ROR1: variants seen among roughly 807,000 people sequenced by gnomAD.
ROR1 encodes inactive tyrosine-protein kinase transmembrane receptor ROR1.
A neutral mutation model predicts 78.8 loss-of-function variants in ROR1; 19 were observed. That is an observed-to-expected ratio of 0.24 (90% CI 0.17 to 0.35). The LOEUF (loss-of-function observed/expected upper bound fraction) is 0.35, where lower values mean the gene tolerates loss of function less well. ROR1 is among the 10% of genes least tolerant of loss of function. The probability of loss-of-function intolerance (pLI) is 1.00; values close to 1 mark genes in which losing one functional copy is unlikely to be tolerated. For missense variants in ROR1, 917 were observed against 1,177.8 expected (o/e 0.78, Z 3.24); for synonymous variants, 386 against 433.6 (o/e 0.89, Z 1.36).
chr1:63,847,170 G>GCCA (rs1645086642), intron 1 of ROR1, among the ~76,000 whole-genome samples: 2 of 152,146 alleles, frequency 1.3e-5, no homozygotes, highest in Non-Finnish European at 2.9e-5. Flanking sequence ...GAGGTGTTGG[G>GCCA]GCTGTATGTG....
intron 1 of ROR1, among the ~76,000 whole-genome samples, chr1:63,952,988 G>A (rs1226849808): frequency 3.3e-5 from 5 of 152,116 alleles, no homozygotes; most frequent in Admixed American, 6.5e-5. Flanking sequence ...AGGGGATGGG[G>A]ATCAATGAAA....
At chr1:64,011,356 T>C (rs893498412) in intron 2 of ROR1, among the ~76,000 whole-genome samples, 1 of 152,230 alleles carries the variant, frequency 6.6e-6, no homozygotes, top group African/African-American at 2.4e-5. Context: ...TAGTACCTGC[T>C]CTGTGCCAGG....
chr1:63,911,745 G>A (rs142798667), intron 1 of ROR1, among the ~76,000 whole-genome samples: 2,138 of 152,200 alleles, frequency 0.014, 59 homozygotes, highest in African/African-American at 0.049. Context: ...TTCCAGGGAA[G>A]AGAAGAAACA....
Position 63,893,814 on chromosome 1 carries a change from T to C in ROR1, c.92-115491T>C, listed in dbSNP as rs578236284. On this transcript the variant is annotated intron_variant, in intron 1 of 8. Transcript: ENST00000371079. ...AATATGTTCCAGGATTCTTGGTAGA[T>C]GCCTAAACTGCAGATAGTACCAAAT... 9.8e-5 allele frequency among the ~76,000 whole-genome samples: 15 copies of C among 152,298 alleles called. No homozygotes were observed. In the East Asian group the frequency reaches 2.1e-3, roughly 22 times the overall value.
chr1:63,895,244 GTTC>G (rs768317205), intron 1 of ROR1, among the ~76,000 whole-genome samples: 1 of 152,084 alleles, frequency 6.6e-6, no homozygotes, highest in African/African-American at 2.4e-5. Context: ...ATATATTCTT[GTTC>G]TTCTTTGAAC....
chr1:63,918,622 A>G (rs914005728), intron 1 of ROR1, among the ~76,000 whole-genome samples: 2 of 152,208 alleles, frequency 1.3e-5, no homozygotes, highest in Admixed American at 1.3e-4. Context: ...AAAACTTACT[A>G]TTAAACAGGG....
intron 4 of ROR1, among the ~76,000 whole-genome samples, chr1:64,120,808 G>T (rs927543966): frequency 2.6e-5 from 4 of 152,132 alleles, no homozygotes; most frequent in Non-Finnish European, 4.4e-5. Flanking sequence ...AGTCTAAGTT[G>T]GTGTAATAAA....
chr1:64,085,757 G>T (rs1006872561), intron 4 of ROR1, among the ~76,000 whole-genome samples: 2 of 152,014 alleles, frequency 1.3e-5, no homozygotes, highest in Admixed American at 1.3e-4. Flanking sequence ...GGTTCTATAA[G>T]GTGCTAAATT....
intron 1 of ROR1, among the ~76,000 whole-genome samples, chr1:63,782,957 A>G (rs1268229515): frequency 6.6e-6 from 1 of 152,096 alleles, no homozygotes; most frequent in Non-Finnish European, 1.5e-5. Context: ...CCTTGAAGGA[A>G]GGATTGAGAG....
At chr1:64,054,432 A>G (rs1646857911) in intron 4 of ROR1, among the ~76,000 whole-genome samples, 1 of 152,176 alleles carries the variant, frequency 6.6e-6, no homozygotes, top group Admixed American at 6.5e-5. Flanking sequence ...GCCAGCCAAC[A>G]TGCCTGGTTG....
chr1:63,911,668 T>C (rs1162100840), intron 1 of ROR1, among the ~76,000 whole-genome samples: 1 of 151,922 alleles, frequency 6.6e-6, no homozygotes, highest in African/African-American at 2.4e-5. Flanking sequence ...CTGTAGATAG[T>C]AGATACTGTT....
chr1:64,168,585 T>C (rs1056646436), intron 8 of ROR1, among the ~76,000 whole-genome samples: 2 of 152,166 alleles, frequency 1.3e-5, no homozygotes, highest in African/African-American at 4.8e-5. Flanking sequence ...AACTAGCTAT[T>C]AAAATATATC....
At chr1:63,797,050 T>C (rs906181431) in intron 1 of ROR1, among the ~76,000 whole-genome samples, 1 of 152,218 alleles carries the variant, frequency 6.6e-6, no homozygotes, top group African/African-American at 2.4e-5. Flanking sequence ...ACCTATTAGA[T>C]GGGAAGAGGA....
intron 1 of ROR1, among the ~76,000 whole-genome samples, chr1:63,858,684 T>C (rs1429733383): frequency 6.6e-6 from 1 of 152,170 alleles, no homozygotes; most frequent in Non-Finnish European, 1.5e-5. Flanking sequence ...TTTTCTTCAC[T>C]TCCCTGACCC....
At chr1:64,153,359 T>G (rs1250361615) in intron 7 of ROR1, among the ~76,000 whole-genome samples, 4 of 152,016 alleles carry the variant, frequency 2.6e-5, no homozygotes, top group Non-Finnish European at 5.9e-5. Context: ...CTAAAAAAAA[T>G]TAAAAATAGA....
rs1158191870 is a variant in ROR1, at chr1:63,782,554, TTTG to T, written c.91+8049_91+8051del. ...GGCTGAGATTTTGAGGTTTTTTTTT[TTTG>T]TTTTTTTTTTTGTTACAGCTGCTAA... is the stretch of plus-strand genomic sequence containing the variant. On this transcript the variant is annotated intron_variant, in intron 1 of 8. Coordinates refer to ENST00000371079, the MANE Select transcript of ROR1 (RefSeq NM_005012.4). Among the ~76,000 whole-genome samples the T allele has an allele frequency of 1.1e-3, 141 of 131,830 alleles. 1 individual carries two copies. Among genetic ancestry groups the T allele is most frequent in the African/African-American group, 3.7e-3 (103 of 27,694 alleles). The allele number at this position is 131,830 out of a possible 152,430, so 86.5% of individuals were successfully genotyped here.
chr1:64,083,531 G>A (rs923628090), intron 4 of ROR1, among the ~76,000 whole-genome samples: 1 of 144,816 alleles, frequency 6.9e-6, no homozygotes, highest in East Asian at 2.0e-4. Context: ...GATTGAGTGT[G>A]TGTGTTTTAG....
intron 1 of ROR1, among the ~76,000 whole-genome samples, chr1:63,940,498 CAGATAGAT>C (rs71584420): frequency 4.5e-4 from 34 of 75,140 alleles, no homozygotes; most frequent in Non-Finnish European, 7.0e-4. Context: ...GATAGACAGA[CAGATAGAT>C]AGATAGATAG....
At chr1:64,096,482 A>G (rs1647304332) in intron 4 of ROR1, among the ~76,000 whole-genome samples, 1 of 152,180 alleles carries the variant, frequency 6.6e-6, no homozygotes, top group South Asian at 2.1e-4. Flanking sequence ...AAGTGAGAAC[A>G]TGTGGTATCT....
Sources: allele counts gnomAD v4.1 joint callset (sites outside exome capture counted in the v4.1 genomes callset), GRCh38; gene constraint gnomAD v4.1.1; transcripts MANE v1.5; gene names NCBI Gene and HGNC (gene_info 2026-07-23, HGNC 2026-07-21).